DMXL1: variants seen among roughly 807,000 people sequenced by gnomAD.
The protein encoded by DMXL1 is Dmx like 1.
DMXL1 carries 99 observed loss-of-function variants against 319.2 expected under a neutral mutation model. That is an observed-to-expected ratio of 0.31 (90% CI 0.26 to 0.37). The LOEUF (loss-of-function observed/expected upper bound fraction) is 0.37. Among genes scored for constraint, DMXL1 ranks in the 10% least tolerant of loss-of-function variants. DMXL1 has a pLI of 1.00. For missense variants in DMXL1, 3,745 were observed against 3,595.6 expected, an observed-to-expected ratio of 1.04 and a Z score of -1.06; for synonymous variants, 1,385 against 1,235.2, an observed-to-expected ratio of 1.12 and a Z score of -2.54.
intron 39 of DMXL1, among the ~76,000 whole-genome samples, chr5:119,233,934 A>G (rs1035826298): frequency 2.0e-5 from 3 of 152,212 alleles, no homozygotes; most frequent in Non-Finnish European, 4.4e-5. Context: ...GAACAACATC[A>G]GCAAACTACA....
At chr5:119,228,752 A>G (rs1043925806) in intron 38 of DMXL1, among the ~76,000 whole-genome samples, 3 of 152,168 alleles carry the variant, frequency 2.0e-5, no homozygotes, top group African/African-American at 7.2e-5. Context: ...AAATTTGTCA[A>G]AAATATCAAA....
intron 9 of DMXL1, chr5:119,128,468 C>G (rs74591185): frequency 2.5e-4 from 41 of 165,142 alleles, no homozygotes; most frequent in African/African-American, 9.8e-4. Flanking sequence ...CATGACTAGC[C>G]CCAGCTGGAA....
intron 43 of DMXL1, among the ~76,000 whole-genome samples, chr5:119,245,390 C>T (rs1221465560): frequency 2.0e-5 from 3 of 152,076 alleles, no homozygotes; most frequent in Non-Finnish European, 4.4e-5. Flanking sequence ...TAATTCTCAA[C>T]CAGGAAAAGA....
At chr5:119,127,677 G>A (rs1242444734) in intron 9 of DMXL1, 1 of 180,470 alleles carries the variant, frequency 5.5e-6, no homozygotes, top group African/African-American at 2.4e-5. Flanking sequence ...GGCCTCAAGT[G>A]ATTTGCCTGC....
chr5:119,147,026 A>G, intron 16 of DMXL1, 70 bp downstream of exon 16: 1 of 1,535,016 alleles, frequency 6.5e-7, no homozygotes, highest in South Asian at 1.2e-5. Context: ...AAAATTAGAT[A>G]ATTTGGGACA....
intron 8 of DMXL1, among the ~76,000 whole-genome samples, chr5:119,119,240 C>A (rs1761497514): frequency 6.6e-6 from 1 of 152,144 alleles, no homozygotes; most frequent in Non-Finnish European, 1.5e-5. Context: ...AGGATGATTA[C>A]ATTTGACTTG....
chr5:119,140,540 C>A (rs912945024), intron 13 of DMXL1, among the ~76,000 whole-genome samples: 1 of 152,088 alleles, frequency 6.6e-6, no homozygotes, highest in Admixed American at 6.5e-5. Context: ...ACATATACCC[C>A]CTCCTAAGAC....
rs558378334 is a variant in DMXL1, at chr5:119,201,359, T to G, written c.7746-1960T>G. Among the ~76,000 whole-genome samples, 3 of 152,368 alleles carry G rather than the reference T, an allele frequency of 2.0e-5. No individual in the cohort carries two copies. In the East Asian group the frequency reaches 5.8e-4, roughly 29 times the overall value. ...TTTGTCTTTAGTTCTGTTTATGTGA[T>G]TCATCACATTTGTTGATTTGCATAT... On this transcript the variant is annotated intron_variant, in intron 32 of 43. Coordinates refer to ENST00000539542, the MANE Select transcript of DMXL1 (RefSeq NM_001290321.3).
rs1272091600 is a variant in DMXL1, at chr5:119,247,271, GATATA to G, written c.*58_*62del. The G allele has an allele frequency of 1.6e-5, 20 of 1,265,158 alleles. No homozygotes were observed. The Admixed American group carries it at 3.6e-4, about 23-fold the overall frequency. 78.4% of individuals were successfully genotyped at this position (1,265,158 alleles called of 1,614,324 possible). ...ATTACCTATATGGAAGTGGCCAACA[GATATA>G]ATATACAGTGATCATTCTCTATGCC... On this transcript the variant is annotated 3_prime_UTR_variant, in exon 44 of 44. Coordinates refer to ENST00000539542, the MANE Select transcript of DMXL1 (RefSeq NM_001290321.3).
chr5:119,100,736 A>G (rs1757059849), intron 2 of DMXL1: 3 of 141,384 alleles, frequency 2.1e-5, no homozygotes, highest in Non-Finnish European at 3.0e-5. Context: ...ACCTCTAAAC[A>G]TACATTGCCT....
At chr5:119,080,688 A>T (rs1471788091) in intron 1 of DMXL1, among the ~76,000 whole-genome samples, 1 of 152,208 alleles carries the variant, frequency 6.6e-6, no homozygotes, top group African/African-American at 2.4e-5. Context: ...TCTTCAACTT[A>T]AACAATATTG....
intron 29 of DMXL1, among the ~76,000 whole-genome samples, chr5:119,191,819 A>G (rs1778744253): frequency 1.3e-5 from 2 of 152,216 alleles, no homozygotes; most frequent in East Asian, 1.9e-4. Context: ...CACCTACACC[A>G]CAGAGATTGG....
chr5:119,116,114 A>G (rs761603151), intron 6 of DMXL1, 44 bp from the exon 7 acceptor site: 8 of 1,543,812 alleles, frequency 5.2e-6, no homozygotes, highest in Non-Finnish European at 6.1e-6. Context: ...TTAATCTTTA[A>G]TTCTGATCTC....
chr5:119,164,681 G>T lies in DMXL1; in HGVS notation c.4872+5G>T. 6.3e-7 allele frequency: 1 copy of T among 1,587,586 alleles called. No homozygotes were observed. Among genetic ancestry groups the T allele is most frequent in the Non-Finnish European group, 8.6e-7 (1 of 1,162,750 alleles). On this transcript the variant is annotated splice_donor_5th_base_variant and intron_variant, in intron 20 of 43. Coordinates refer to ENST00000539542, the MANE Select transcript of DMXL1 (RefSeq NM_001290321.3). Reference sequence around the variant, plus strand: ...TTACGCAAATGCATAGAAAAAGTAAGTGTTTTATTTTGGTGTATAAGTGAA... The same window carrying T: ...TTACGCAAATGCATAGAAAAAGTAATTGTTTTATTTTGGTGTATAAGTGAA...
intron 9 of DMXL1, among the ~76,000 whole-genome samples, chr5:119,124,830 G>A (rs1216646906): frequency 6.6e-6 from 1 of 152,074 alleles, no homozygotes; most frequent in Admixed American, 6.5e-5. Flanking sequence ...GCCTCCCAAG[G>A]TGGTGGGATT....
intron 1 of DMXL1, among the ~76,000 whole-genome samples, chr5:119,092,165 T>G (rs1431529855): frequency 9.8e-5 from 15 of 152,346 alleles, no homozygotes; most frequent in Admixed American, 9.1e-4. Context: ...AATTGTCTTT[T>G]TTCATTCCTG....
At chr5:119,124,410 A>G (rs1188615023) in intron 9 of DMXL1, among the ~76,000 whole-genome samples, 2 of 152,100 alleles carry the variant, frequency 1.3e-5, no homozygotes, top group Admixed American at 6.6e-5. Context: ...GTGAGAAGGG[A>G]ACCTCAACTT....
intron 26 of DMXL1, among the ~76,000 whole-genome samples, chr5:119,176,920 TTG>T (rs1223370304): frequency 1.3e-5 from 2 of 152,144 alleles, no homozygotes; most frequent in Non-Finnish European, 2.9e-5. Flanking sequence ...ATAACATTAT[TTG>T]TGTTTTGTTC....
intron 40 of DMXL1, 118 bp from the exon 41 acceptor site, chr5:119,238,871 A>C (rs1788238718): frequency 6.8e-7 from 1 of 1,465,122 alleles, no homozygotes; most frequent in Admixed American, 2.4e-5. Flanking sequence ...AAGGAAAAAA[A>C]CGATACAGAG....
Sources: gnomAD v4.1 joint callset for allele counts (sites outside exome capture counted in the v4.1 genomes callset) on GRCh38, gnomAD v4.1.1 for gene constraint, MANE v1.5 for transcripts, NCBI Gene and HGNC (gene_info 2026-07-23, HGNC 2026-07-21) for gene names.